Variants in COL18A1 observed in about 807,000 individuals in gnomAD.
The protein encoded by COL18A1 is collagen type XVIII alpha 1 chain.
In COL18A1, 133 loss-of-function variants were observed where a neutral mutation model predicts 168.0. That is an observed-to-expected ratio of 0.79 (90% CI 0.69 to 0.91). The LOEUF (loss-of-function observed/expected upper bound fraction) is 0.91. Among genes scored for constraint, COL18A1 ranks in the 40% least tolerant of loss-of-function variants. The pLI is 0.00. For synonymous variants in COL18A1, 949 were observed against 809.0 expected (o/e 1.17, Z -2.94); for missense variants, 2,126 against 1,925.4 (o/e 1.10, Z -1.95).
intron 5 of COL18A1, 103 bp downstream of exon 5, chr21:45,475,638 T>G (rs2035620446): frequency 1.0e-6 from 1 of 991,652 alleles, no homozygotes; most frequent in Admixed American, 2.0e-5. Flanking sequence ...CTCCAAGAGC[T>G]CCCTCTATGC....
intron 32 of COL18A1, among the ~76,000 whole-genome samples, chr21:45,503,634 T>C (rs911166223): frequency 1.1e-5 from 1 of 90,344 alleles, no homozygotes; most frequent in Non-Finnish European, 2.1e-5. Context: ...TGGGGACTGT[T>C]GTGGGGTGGG....
At position 45,480,127 on chromosome 21, in the gene COL18A1, C is replaced by T. The variant is rs1326463662; in HGVS notation, c.1369C>T (p.Pro457Ser). ...PPGPQGPPGP[P>S]GPSFRHDKLT... Reference sequence around the variant, plus strand: ...AGGACCCCAAGGGCCTCCAGGGCCCCCAGGACCCTCCTTCAGACACGACAA... The same window carrying T: ...AGGACCCCAAGGGCCTCCAGGGCCCTCAGGACCCTCCTTCAGACACGACAA... The change falls in exon 11 of 42, where the codon CCA becomes TCA. Residue 457 changes from proline to serine, a missense_variant. Transcript: ENST00000651438. 1 of 1,595,740 alleles carries T rather than the reference C, an allele frequency of 6.3e-7. No homozygotes were observed. Among genetic ancestry groups the T allele is most frequent in the Non-Finnish European group, 8.6e-7 (1 of 1,163,944 alleles).
chr21:45,492,233 C>T (rs149250237), intron 22 of COL18A1, among the ~76,000 whole-genome samples: 2 of 152,294 alleles, frequency 1.3e-5, no homozygotes, highest in African/African-American at 4.8e-5. Flanking sequence ...TCAGAAAAGC[C>T]TCCCGTAGGC....
chr21:45,435,135 G>A (rs1358828397), intron 2 of COL18A1, among the ~76,000 whole-genome samples: 2 of 151,396 alleles, frequency 1.3e-5, no homozygotes, highest in Non-Finnish European at 2.9e-5. Flanking sequence ...GGGTGAACCC[G>A]CCCTCCTGGG....
chr21:45,487,251 C>T (rs1053220787), intron 16 of COL18A1, among the ~76,000 whole-genome samples, 196 bp from the exon 17 acceptor site: 2 of 152,224 alleles, frequency 1.3e-5, no homozygotes, highest in South Asian at 2.1e-4. Flanking sequence ...TGAGCTGACC[C>T]GAGACGGGCT....
In COL18A1 at chr21:45,505,740, G is replaced by A. The variant is rs373022832; in HGVS notation, c.3088-98G>A. On this transcript the variant is annotated intron_variant, in intron 36 of 41. Transcript: ENST00000651438. ...AGTCCACACCTGTCCAAAGCCCTGC[G>A]GCCCCTGCCCAGCACCCTGAAACGG... is the stretch of plus-strand genomic sequence containing the variant. The A allele has an allele frequency of 6.7e-4, 680 of 1,010,984 alleles. 6 individuals carry two copies. Among genetic ancestry groups the A allele is most frequent in the South Asian group, 6.2e-3 (451 of 72,608 alleles). 62.6% of individuals were successfully genotyped at this position (1,010,984 alleles called of 1,614,324 possible). A position where few individuals can be genotyped will look rare whatever the true frequency, so the allele number is the denominator to read the frequency against.
At chr21:45,508,321 G>C (rs2037358974) in intron 38 of COL18A1, among the ~76,000 whole-genome samples, 1 of 151,736 alleles carries the variant, frequency 6.6e-6, no homozygotes, top group African/African-American at 2.4e-5. Context: ...ACAGGTGGGT[G>C]AGTGGATAGA....
intron 2 of COL18A1, among the ~76,000 whole-genome samples, chr21:45,458,187 G>A (rs957598721): frequency 1.4e-4 from 21 of 151,866 alleles, no homozygotes; most frequent in African/African-American, 4.8e-4. Flanking sequence ...GGGGCCTGGT[G>A]TGTGCAGGAG....
intron 6 of COL18A1, among the ~76,000 whole-genome samples, chr21:45,476,827 ATGTTG>A (rs1392475309): frequency 1.3e-5 from 2 of 149,554 alleles, no homozygotes; most frequent in African/African-American, 5.0e-5. Context: ...TGTGCAGTGC[ATGTTG>A]TGTTGTATGT....
At chr21:45,508,221 G>GGTGGATAGTGGGTAAGTGGGTGA (rs1277699177) in intron 38 of COL18A1, among the ~76,000 whole-genome samples, 1 of 149,100 alleles carries the variant, frequency 6.7e-6, no homozygotes, top group African/African-American at 2.5e-5. Context: ...TGAATGGGTG[G>GGTGGATAGTGGGTAAGTGGGTGA]GTGGATAGTG....
intron 2 of COL18A1, among the ~76,000 whole-genome samples, chr21:45,442,135 C>T (rs965584594): frequency 1.3e-5 from 2 of 152,196 alleles, no homozygotes; most frequent in Non-Finnish European, 2.9e-5. Context: ...GAGTGGGTGG[C>T]GCTGCCCTGT....
rs1370195651 is a variant in COL18A1, at chr21:45,512,909, T to C, written c.*511T>C. The C allele has an allele frequency of 5.1e-6, 1 of 195,072 alleles. No individual in the cohort carries two copies. The highest frequency in any genetic ancestry group is 5.3e-5 in the Admixed American group (1 of 18,778). The allele number at this position is 195,072 out of a possible 1,614,324, so 12.1% of individuals were successfully genotyped here. ...GGGTGTGTGCTCGCCCTGCGGTAGA[T>C]GGGAGGGAGGCTCAGGTCCCTGGGG... On this transcript the variant is annotated 3_prime_UTR_variant, in exon 42 of 42. Transcript: ENST00000651438.
intron 41 of COL18A1, 51 bp from the exon 42 acceptor site, chr21:45,512,136 GC>G (rs1224809173): frequency 1.8e-5 from 29 of 1,569,808 alleles, no homozygotes; most frequent in Non-Finnish European, 2.5e-5. Context: ...AGCGGCCTCT[GC>G]CCTAAGCAGA....
At chr21:45,472,699 C>T (rs1162108297) in intron 3 of COL18A1, among the ~76,000 whole-genome samples, 1 of 152,190 alleles carries the variant, frequency 6.6e-6, no homozygotes, top group Non-Finnish European at 1.5e-5. Flanking sequence ...CGCCCTCCCC[C>T]GCAGTGTGAC....
Sources: allele counts gnomAD v4.1 joint callset (sites outside exome capture counted in the v4.1 genomes callset), GRCh38; gene constraint gnomAD v4.1.1; transcripts MANE v1.5; gene names NCBI Gene and HGNC (gene_info 2026-07-23, HGNC 2026-07-21).